Variants in ANKRD61 observed in about 807,000 individuals in gnomAD.
The protein encoded by ANKRD61 is ankyrin repeat domain 61.
ANKRD61 carries 7 observed loss-of-function variants against 8.4 expected under a neutral mutation model. The observed-to-expected ratio is 0.84, with a 90% CI of 0.48 to 1.57. The LOEUF (loss-of-function observed/expected upper bound fraction) is 1.57. Among genes scored for constraint, ANKRD61 ranks in the 40% most tolerant of loss-of-function variants. The probability of loss-of-function intolerance (pLI) is 0.00; values close to 1 mark genes in which losing one functional copy is unlikely to be tolerated. For missense variants in ANKRD61, 516 were observed against 523.4 expected, an observed-to-expected ratio of 0.99 and a Z score of 0.14; for synonymous variants, 198 against 208.0, an observed-to-expected ratio of 0.95 and a Z score of 0.41.
chr7:6,036,474 C>A lies in ANKRD61; in HGVS notation c.*88C>A. 1.1e-6 allele frequency: 1 copy of A among 911,342 alleles called. No individual in the cohort carries two copies. The highest frequency in any genetic ancestry group is 1.6e-6 in the Non-Finnish European group (1 of 637,826). 56.5% of individuals were successfully genotyped at this position (911,342 alleles called of 1,614,324 possible). On this transcript the variant is annotated 3_prime_UTR_variant, in exon 3 of 3. Transcript: ENST00000409061. This position sits in a 1 kb window ranked among gnomAD's most constrained non-coding sequence, Gnocchi z 4.6. ...AGACATGTCCCAGAAAATGCTTCAC[C>A]TATCACCTGTGACATCCCAAATGTA...
At position 6,032,926 on chromosome 7, in the gene ANKRD61, C is replaced by G; in HGVS notation, c.304C>G (p.Pro102Ala). The G allele has an allele frequency of 6.5e-7, 1 of 1,550,152 alleles. No homozygotes were observed. Among genetic ancestry groups the G allele is most frequent in the Non-Finnish European group, 8.7e-7 (1 of 1,146,622 alleles). ...LLCLLRHGADPEVRDTTGLTT... is the reference protein window; with the variant it reads ...LLCLLRHGADAEVRDTTGLTT... ...CTGCCTGTTACGGCACGGTGCTGAC[C>G]CAGAAGTCAGGTAAGTTAACTCCAC... The change falls in exon 2 of 3, where the codon CCA becomes GCA. Residue 102 changes from proline (P) to alanine (A), a missense_variant. Physicochemically the swap from Pro to Ala is conservative, Grantham distance 27. Coordinates refer to ENST00000409061, the MANE Select transcript of ANKRD61 (RefSeq NM_001271700.2). The surrounding 1 kb of genome is among the most constrained non-coding windows in gnomAD (Gnocchi z 4.3).
At position 6,035,310 on chromosome 7, in the gene ANKRD61, G is replaced by C; in HGVS notation, c.315-134G>C. 1.1e-6 allele frequency: 1 copy of C among 933,382 alleles called. No individual in the cohort carries two copies. Among genetic ancestry groups the C allele is most frequent in the Admixed American group, 2.9e-5 (1 of 34,592 alleles). The allele number at this position is 933,382 out of a possible 1,614,324, so 57.8% of individuals were successfully genotyped here. On this transcript the variant is annotated intron_variant, in intron 2 of 2. Transcript: ENST00000409061. The surrounding 1 kb of genome is among the most constrained non-coding windows in gnomAD (Gnocchi z 5.5). ...GCCTGAGAAACTACCCAGCGATACA[G>C]ATTTTGAAACACGTCCTTAAGGTAA...
Position 6,033,885 on chromosome 7 carries a change from G to C in ANKRD61, c.314+949G>C, listed in dbSNP as rs1787987408. ...TGCCTGGCCGACAATGGATTTTCTTGTTTATTACTCTCCACTAGAAGGTAA... is the reference window on the plus strand; with the variant it reads ...TGCCTGGCCGACAATGGATTTTCTTCTTTATTACTCTCCACTAGAAGGTAA... On this transcript the variant is annotated intron_variant, in intron 2 of 2. Transcript: ENST00000409061. This position sits in a 1 kb window ranked among gnomAD's most constrained non-coding sequence, Gnocchi z 4.4. Among the ~76,000 whole-genome samples the C allele has an allele frequency of 6.6e-6, 1 of 151,916 alleles. No individual in the cohort carries two copies. Among genetic ancestry groups the C allele is most frequent in the South Asian group, 2.1e-4 (1 of 4,808 alleles).
Position 6,035,853 on chromosome 7 carries a change from G to T in ANKRD61, c.724G>T (p.Ala242Ser), listed in dbSNP as rs1182382378. The T allele has an allele frequency of 3.2e-6, 5 of 1,548,056 alleles. No individual in the cohort carries two copies. The highest frequency in any genetic ancestry group is 4.4e-6 in the Non-Finnish European group (5 of 1,145,224). Residue 242 changes from alanine to serine, a missense_variant, in exon 3 of 3, where the codon GCA becomes TCA. Coordinates refer to ENST00000409061, the MANE Select transcript of ANKRD61 (RefSeq NM_001271700.2). This position sits in a 1 kb window ranked among gnomAD's most constrained non-coding sequence, Gnocchi z 5.5. ...SSTGNTPLKLAVCTASSKAGR... is the reference protein window; with the variant it reads ...SSTGNTPLKLSVCTASSKAGR... ...CACGGGGAACACGCCCCTGAAGCTT[G>T]CAGTGTGCACTGCATCAAGCAAAGC...
Position 6,036,150 on chromosome 7 carries a change from C to G in ANKRD61, c.1021C>G (p.Leu341Val). The G allele has an allele frequency of 1.3e-6, 2 of 1,550,248 alleles. No individual in the cohort carries two copies. The highest frequency in any genetic ancestry group is 1.7e-6 in the Non-Finnish European group (2 of 1,146,728). The change falls in exon 3 of 3, where the codon CTG (leucine) becomes GTG (valine). Residue 341 changes from leucine to valine, a missense_variant. By Grantham distance (32) the Leu-to-Val change is conservative. Transcript: ENST00000409061. The surrounding 1 kb of genome is among the most constrained non-coding windows in gnomAD (Gnocchi z 4.6). ...LARLLYHTYP[L>V]RMTNNQGILP... ...CAGGCTACTTTATCACACTTATCCT[C>G]TGAGAATGACCAATAACCAAGGAAT...
chr7:6,032,972 TTC>T lies in ANKRD61; in HGVS notation c.314+38_314+39del. 1 of 1,524,494 alleles carries T rather than the reference TTC, an allele frequency of 6.6e-7. No individual in the cohort carries two copies. 94.4% of individuals were successfully genotyped at this position (1,524,494 alleles called of 1,614,324 possible). ...TCCACCGAAAATCATTTCTTTTTTT[TTC>T]TTTTTTGTTTTGAGGCAGGGGTCTC... is the stretch of plus-strand genomic sequence containing the variant. On this transcript the variant is annotated intron_variant, in intron 2 of 2. Transcript: ENST00000409061. This position sits in a 1 kb window ranked among gnomAD's most constrained non-coding sequence, Gnocchi z 4.3.
In ANKRD61 at chr7:6,032,843, C is replaced by A. The variant is rs1009531389; in HGVS notation, c.221C>A (p.Thr74Lys). Residue 74 changes from threonine (T) to lysine (K), a missense_variant, in exon 2 of 3, where the codon ACA (threonine) becomes AAA (lysine). Physicochemically the swap from Thr to Lys is moderately conservative, Grantham distance 78 (BLOSUM62 -1). Coordinates refer to ENST00000409061, the MANE Select transcript of ANKRD61 (RefSeq NM_001271700.2). This position sits in a 1 kb window ranked among gnomAD's most constrained non-coding sequence, Gnocchi z 4.3. ...ASNRLLLTQP[T>K]ESIIPIHLAA... ...TGTTTTGTTTTCCCTCCAAAGCCGACAGAGTCTATCATCCCCATCCATCTG... is the reference window on the plus strand; with the variant it reads ...TGTTTTGTTTTCCCTCCAAAGCCGAAAGAGTCTATCATCCCCATCCATCTG... 3.9e-6 allele frequency: 6 copies of A among 1,550,708 alleles called. No individual in the cohort carries two copies. In the African/African-American group the frequency reaches 6.8e-5, roughly 18 times the overall value.
chr7:6,031,635 T>G, intron 1 of ANKRD61, 44 bp downstream of exon 1: 1 of 1,539,734 alleles, frequency 6.5e-7, no homozygotes, highest in Non-Finnish European at 8.8e-7. Context: ...AAAGTCAGGC[T>G]GCTTAGAAAG....
rs1788045747 is a variant in ANKRD61 at position 6,035,320 on chromosome 7, C to A, written c.315-124C>A. On this transcript the variant is annotated intron_variant, in intron 2 of 2. Coordinates refer to ENST00000409061, the MANE Select transcript of ANKRD61 (RefSeq NM_001271700.2). The surrounding 1 kb of genome is among the most constrained non-coding windows in gnomAD (Gnocchi z 5.5). ...CTACCCAGCGATACAGATTTTGAAA[C>A]ACGTCCTTAAGGTAATTGAAGGGTC... The A allele has an allele frequency of 5.1e-6, 5 of 988,334 alleles. No homozygotes were observed. In the Admixed American group the frequency reaches 1.2e-4, roughly 23 times the overall value. The allele number at this position is 988,334 out of a possible 1,614,324, so 61.2% of individuals were successfully genotyped here. A position where few individuals can be genotyped will look rare whatever the true frequency, so the allele number is the denominator to read the frequency against.
rs1220581601 is a variant in ANKRD61, at chr7:6,031,583, C to A, written c.208C>A (p.Leu70Met). 1 of 1,550,778 alleles carries A rather than the reference C, an allele frequency of 6.4e-7. No homozygotes were observed. The highest frequency in any genetic ancestry group is 8.7e-7 in the Non-Finnish European group (1 of 1,146,966). ...LPNSASNRLL[L>M]TQPTESIIPI... ...CAACTCCGCCAGCAACAGATTACTTCTGACCCAGGTACCCTCTTTTCTGCT... is the reference window on the plus strand; with the variant it reads ...CAACTCCGCCAGCAACAGATTACTTATGACCCAGGTACCCTCTTTTCTGCT... The change falls in exon 1 of 3, where the codon CTG becomes ATG. Residue 70 changes from leucine to methionine, a missense_variant. Coordinates refer to ENST00000409061, the MANE Select transcript of ANKRD61 (RefSeq NM_001271700.2).
intron 2 of ANKRD61, among the ~76,000 whole-genome samples, chr7:6,034,539 A>G (rs1317570263): frequency 6.6e-6 from 1 of 151,960 alleles, no homozygotes; most frequent in East Asian, 1.9e-4. Context: ...ACCTCTCTAG[A>G]ACTCTGCCGG....
Position 6,032,450 on chromosome 7 carries a change from C to A in ANKRD61, c.217-389C>A, listed in dbSNP as rs1360051747. Among the ~76,000 whole-genome samples, 1 of 152,184 alleles carries A rather than the reference C, an allele frequency of 6.6e-6. No homozygotes were observed. Among genetic ancestry groups the A allele is most frequent in the African/African-American group, 2.4e-5 (1 of 41,446 alleles). On this transcript the variant is annotated intron_variant, in intron 1 of 2. Coordinates refer to ENST00000409061, the MANE Select transcript of ANKRD61 (RefSeq NM_001271700.2). The surrounding 1 kb of genome is among the most constrained non-coding windows in gnomAD (Gnocchi z 4.3). ...GATTCAGGTTTTACTGCTGATAATA[C>A]GACTTTGGCAACGACACAGCACCTA...
intron 2 of ANKRD61, among the ~76,000 whole-genome samples, chr7:6,034,244 T>G (rs1194982945): frequency 6.6e-6 from 1 of 151,992 alleles, no homozygotes; most frequent in Non-Finnish European, 1.5e-5. Flanking sequence ...GAGGCAGCAG[T>G]TGCAGTGAGC....
In ANKRD61 at chr7:6,032,387, G is replaced by T. The variant is rs1478067656; in HGVS notation, c.217-452G>T. ...GGCACAAACAGCTCTGCTAATCATA[G>T]ACAGAACATATGCTGCGTTATATTT... On this transcript the variant is annotated intron_variant, in intron 1 of 2. Coordinates refer to ENST00000409061, the MANE Select transcript of ANKRD61 (RefSeq NM_001271700.2). The surrounding 1 kb of genome is among the most constrained non-coding windows in gnomAD (Gnocchi z 4.3). Among the ~76,000 whole-genome samples, 1 of 152,120 alleles carries T rather than the reference G, an allele frequency of 6.6e-6. No individual in the cohort carries two copies. Among genetic ancestry groups the T allele is most frequent in the East Asian group, 1.9e-4 (1 of 5,190 alleles).
In ANKRD61 at chr7:6,031,541, C is replaced by T. The variant is rs926886495; in HGVS notation, c.166C>T (p.Pro56Ser). The T allele has an allele frequency of 5.2e-6, 8 of 1,550,620 alleles. No homozygotes were observed. In the African/African-American group the frequency reaches 9.6e-5, roughly 19 times the overall value. The change falls in exon 1 of 3, where the codon CCC (proline) becomes TCC (serine). Residue 56 changes from proline to serine, a missense_variant. Transcript: ENST00000409061. ...CCTGAGAAATCACCCTGTCAACCAGCCCATCACCATTCTGCCCAACTCCGC... is the reference window on the plus strand; with the variant it reads ...CCTGAGAAATCACCCTGTCAACCAGTCCATCACCATTCTGCCCAACTCCGC... ...VLLRNHPVNQ[P>S]ITILPNSASN... is the part of the protein sequence containing the mutation.
chr7:6,034,931 G>C (rs1409361263), intron 2 of ANKRD61, among the ~76,000 whole-genome samples: 2 of 152,152 alleles, frequency 1.3e-5, no homozygotes, highest in African/African-American at 4.8e-5. Context: ...GGAGAGCAGA[G>C]ACAGAGCCTC....
rs1329941771 is a variant in ANKRD61 at position 6,031,450 on chromosome 7, T to G, written c.75T>G (p.Ser25=). ...CCAAGTCCCTGGAAGATGGCCCATC[T>G]GCAGCACTTCACTCGAAACTCTATG... ...DSAKSLEDGP[S]AALHSKLYEA... Residue 25 remains serine, a synonymous_variant, in exon 1 of 3, where the codon TCT becomes TCG. Coordinates refer to ENST00000409061, the MANE Select transcript of ANKRD61 (RefSeq NM_001271700.2). 1 of 1,550,822 alleles carries G rather than the reference T, an allele frequency of 6.4e-7. No individual in the cohort carries two copies. Among genetic ancestry groups the G allele is most frequent in the Admixed American group, 2.0e-5 (1 of 51,002 alleles).
intron 2 of ANKRD61, among the ~76,000 whole-genome samples, chr7:6,034,479 G>A (rs113853829): frequency 6.8e-4 from 104 of 152,036 alleles, no homozygotes; most frequent in African/African-American, 2.5e-3. Context: ...ATTCTCCTTA[G>A]GGGACCCTTT....
chr7:6,035,601 C>G lies in ANKRD61; in HGVS notation c.472C>G (p.Gln158Glu). Residue 158 changes from glutamine (Q) to glutamate (E), a missense_variant, in exon 3 of 3, where the codon CAA (glutamine) becomes GAA (glutamate). Coordinates refer to ENST00000409061, the MANE Select transcript of ANKRD61 (RefSeq NM_001271700.2). The surrounding 1 kb of genome is among the most constrained non-coding windows in gnomAD (Gnocchi z 5.5). Reference sequence around the variant, plus strand: ...CCGCATCTTGTGTGCGCACGGAGCTCAAGTGAACACTCAAGGGGAAATCAG... The same window carrying G: ...CCGCATCTTGTGTGCGCACGGAGCTGAAGTGAACACTCAAGGGGAAATCAG... ...CLRILCAHGA[Q>E]VNTQGEISNK... is the part of the protein sequence containing the mutation. 5.8e-6 allele frequency: 9 copies of G among 1,551,042 alleles called. No homozygotes were observed. The highest frequency in any genetic ancestry group is 7.8e-6 in the Non-Finnish European group (9 of 1,147,100).
Sources: gnomAD v4.1 joint callset for allele counts (sites outside exome capture counted in the v4.1 genomes callset) on GRCh38, gnomAD v4.1.1 for gene constraint, Gnocchi (gnomAD v3.1) non-coding constraint, MANE v1.5 for transcripts, NCBI Gene and HGNC (gene_info 2026-07-23, HGNC 2026-07-21) for gene names.